Variants in RIMS1 observed in about 807,000 individuals in gnomAD.
RIMS1 encodes regulating synaptic membrane exocytosis protein 1.
A neutral mutation model predicts 214.1 loss-of-function variants in RIMS1; 83 were observed. The ratio of observed to expected loss-of-function variants is 0.39; its 90% confidence interval spans 0.32 to 0.47. The LOEUF is 0.47. Among genes scored for constraint, RIMS1 ranks in the 20% least tolerant of loss-of-function variants. The pLI is 0.99. For synonymous variants in RIMS1, 793 were observed against 786.8 expected (o/e 1.01, Z -0.13); for missense variants, 2,050 against 2,161.8 (o/e 0.95, Z 1.03).
intron 2 of RIMS1, among the ~76,000 whole-genome samples, chr6:72,006,429 A>G (rs1200772630): frequency 6.6e-6 from 1 of 152,180 alleles, no homozygotes; most frequent in African/African-American, 2.4e-5. Flanking sequence ...GGATTTCTGC[A>G]TTTCCAGCTG....
intron 4 of RIMS1, among the ~76,000 whole-genome samples, chr6:72,123,706 G>A (rs1051958156): frequency 1.3e-5 from 2 of 151,824 alleles, no homozygotes; most frequent in African/African-American, 4.8e-5. Context: ...TTGTTGAATT[G>A]ATCCCTTTAC....
At chr6:72,282,114 C>T (rs777465515) in intron 23 of RIMS1, among the ~76,000 whole-genome samples, 5 of 152,074 alleles carry the variant, frequency 3.3e-5, no homozygotes, top group African/African-American at 9.7e-5. Flanking sequence ...CTCATCTGCT[C>T]TACTTGTGCT....
intron 2 of RIMS1, among the ~76,000 whole-genome samples, chr6:71,978,369 T>G (rs1797680162): frequency 1.3e-5 from 2 of 152,124 alleles, no homozygotes; most frequent in South Asian, 4.1e-4. Context: ...GAATAAAAAT[T>G]GAAAGACTGC....
At position 72,400,816 on chromosome 6, in the gene RIMS1, A is replaced by G. The variant is rs1266591756; in HGVS notation, c.*102A>G. On this transcript the variant is annotated 3_prime_UTR_variant, in exon 34 of 34. Coordinates refer to ENST00000521978, the MANE Select transcript of RIMS1 (RefSeq NM_014989.7). Reference sequence around the variant, plus strand: ...AAGCATTGTTGGAGACAGACAATCAACTTGTGTTTTGCCTGTAGTAGTTTT... The same window carrying G: ...AAGCATTGTTGGAGACAGACAATCAGCTTGTGTTTTGCCTGTAGTAGTTTT... 4 of 967,196 alleles carry G rather than the reference A, an allele frequency of 4.1e-6. No homozygotes were observed. The highest frequency in any genetic ancestry group is 4.9e-5 in the Admixed American group (2 of 41,142). 59.9% of individuals were successfully genotyped at this position (967,196 alleles called of 1,614,324 possible).
chr6:72,075,593 C>G (rs1475636778), intron 2 of RIMS1, among the ~76,000 whole-genome samples: 1 of 152,112 alleles, frequency 6.6e-6, no homozygotes, highest in Non-Finnish European at 1.5e-5. Flanking sequence ...AGCTTTAATC[C>G]TGGCATCCAT....
intron 29 of RIMS1, among the ~76,000 whole-genome samples, chr6:72,376,302 C>G (rs761602560): frequency 6.6e-6 from 1 of 152,266 alleles, no homozygotes; most frequent in Non-Finnish European, 1.5e-5. Flanking sequence ...TGCCTCACTT[C>G]CATGAGGAAT....
At chr6:72,207,261 A>G (rs1471691198) in intron 6 of RIMS1, among the ~76,000 whole-genome samples, 1 of 152,234 alleles carries the variant, frequency 6.6e-6, no homozygotes, top group African/African-American at 2.4e-5. Context: ...AGAGAGGACA[A>G]CAGGTGGATA....
At chr6:72,101,487 AACTG>A (rs1279728953) in intron 4 of RIMS1, among the ~76,000 whole-genome samples, 3 of 151,986 alleles carry the variant, frequency 2.0e-5, no homozygotes, top group South Asian at 2.1e-4. Context: ...TAAAGAGAAT[AACTG>A]ACTATTAAAT....
chr6:72,338,165 C>T (rs1483527679), intron 29 of RIMS1, among the ~76,000 whole-genome samples: 4 of 151,748 alleles, frequency 2.6e-5, no homozygotes, highest in Non-Finnish European at 4.4e-5. Flanking sequence ...GGAATCGCCA[C>T]ACTGACTTCC....
chr6:72,004,315 T>C (rs532335155), intron 2 of RIMS1, among the ~76,000 whole-genome samples: 79 of 152,184 alleles, frequency 5.2e-4, no homozygotes, highest in Middle Eastern at 3.4e-3. Flanking sequence ...TTGTGAATAG[T>C]GCCGCAATAA....
At chr6:72,365,206 TGAG>T (rs2097952534) in intron 29 of RIMS1, among the ~76,000 whole-genome samples, 1 of 152,220 alleles carries the variant, frequency 6.6e-6, no homozygotes, top group African/African-American at 2.4e-5. Context: ...AGTATGTGCT[TGAG>T]GAAGCCATTC....
At chr6:71,917,000 G>T (rs772354632) in intron 1 of RIMS1, among the ~76,000 whole-genome samples, 4 of 152,088 alleles carry the variant, frequency 2.6e-5, no homozygotes, top group Non-Finnish European at 5.9e-5. Context: ...GGAATTGGAG[G>T]TGTTTATATT....
intron 28 of RIMS1, among the ~76,000 whole-genome samples, chr6:72,332,862 G>A (rs2096718468): frequency 1.3e-5 from 2 of 151,514 alleles, no homozygotes; most frequent in Admixed American, 1.3e-4. Context: ...ATCTATTCAG[G>A]TAAACTGGTA....
chr6:72,366,867 G>T (rs1451237394), intron 29 of RIMS1: 2 of 978,846 alleles, frequency 2.0e-6, no homozygotes, highest in Non-Finnish European at 2.4e-6. Flanking sequence ...GATAGACAAG[G>T]TAAGTCTATG....
At chr6:72,240,965 G>A (rs1035957737) in intron 9 of RIMS1, among the ~76,000 whole-genome samples, 4 of 152,096 alleles carry the variant, frequency 2.6e-5, no homozygotes, top group Non-Finnish European at 5.9e-5. Context: ...GCAGTGAGCC[G>A]AGATTGCGCC....
At chr6:72,255,112 G>T (rs2075240390) in intron 16 of RIMS1, among the ~76,000 whole-genome samples, 1 of 151,922 alleles carries the variant, frequency 6.6e-6, no homozygotes, top group African/African-American at 2.4e-5. Flanking sequence ...GTATTTGTAT[G>T]GCAAATATAA....
At chr6:72,265,857 G>C in intron 21 of RIMS1, 103 bp from the exon 22 acceptor site, 1 of 749,538 alleles carries the variant, frequency 1.3e-6, no homozygotes, top group Non-Finnish European at 2.2e-6. Context: ...TACATTTTGT[G>C]TAAAGGGGAC....
rs2076660465 is a variant in RIMS1, at chr6:72,258,222, T to C, written c.2868T>C (p.Pro956=). The change falls in exon 17 of 34, where the codon CCT becomes CCC. Residue 956 remains proline, a synonymous_variant. Coordinates refer to ENST00000521978, the MANE Select transcript of RIMS1 (RefSeq NM_014989.7). ...ATCACCGCTCACGTTCAGTATCTCC[T>C]CATCGCGGCAATGATCAGGGAAAGC... ...TTHHRSRSVS[P]HRGNDQGKPR... 1 of 1,613,480 alleles carries C rather than the reference T, an allele frequency of 6.2e-7. No individual in the cohort carries two copies. Among genetic ancestry groups the C allele is most frequent in the South Asian group, 1.1e-5 (1 of 91,038 alleles).
chr6:72,342,810 T>A (rs1170746010), intron 29 of RIMS1, among the ~76,000 whole-genome samples: 1 of 151,834 alleles, frequency 6.6e-6, no homozygotes. Context: ...AACACAAGTT[T>A]ATTCTTGGAG....
Sources: gnomAD v4.1 joint callset for allele counts (sites outside exome capture counted in the v4.1 genomes callset) on GRCh38, gnomAD v4.1.1 for gene constraint, MANE v1.5 for transcripts, NCBI Gene and HGNC (gene_info 2026-07-23, HGNC 2026-07-21) for gene names.